MSR1: variants seen among roughly 807,000 people sequenced by gnomAD.
The protein encoded by MSR1 is macrophage scavenger receptor 1, also known as macrophage scavenger receptor types I and II.
Under a neutral mutation model 47.2 loss-of-function variants are expected in MSR1, and 53 were observed. The observed-to-expected ratio is 1.12, with a 90% CI of 0.90 to 1.41. The LOEUF (loss-of-function observed/expected upper bound fraction) is 1.41, where lower values mean the gene tolerates loss of function less well. Ranked by LOEUF, MSR1 falls within the 40% of genes most tolerant of loss-of-function variation. MSR1 has a pLI of 0.00. For missense variants in MSR1, 786 were observed against 546.9 expected, an observed-to-expected ratio of 1.44 and a Z score of -4.36; for synonymous variants, 239 against 185.6, an observed-to-expected ratio of 1.29 and a Z score of -2.34.
intron 8 of MSR1, among the ~76,000 whole-genome samples, chr8:16,123,901 G>T (rs1033863660): frequency 1.3e-5 from 2 of 152,030 alleles, no homozygotes; most frequent in Non-Finnish European, 1.5e-5. Context: ...GCTTCTTTCT[G>T]TAGGTTGCTT....
At position 16,168,457 on chromosome 8, in the gene MSR1, C is replaced by A; in HGVS notation, c.630+1G>T. 1 of 1,614,020 alleles carries A rather than the reference C, an allele frequency of 6.2e-7. No individual in the cohort carries two copies. Among genetic ancestry groups the A allele is most frequent in the South Asian group, 1.1e-5 (1 of 91,050 alleles). ...TGACCTTGCAGTCCACAAACTCTTACCTCTTGTTGTTTGAAGGTATTCTCT... is the reference window on the plus strand; with the variant it reads ...TGACCTTGCAGTCCACAAACTCTTAACTCTTGTTGTTTGAAGGTATTCTCT... On this transcript the variant is annotated splice_donor_variant, in intron 4 of 9. Coordinates refer to ENST00000262101, the MANE Select transcript of MSR1 (RefSeq NM_138715.3). LOFTEE classifies it high-confidence loss of function.
At chr8:16,131,423 C>T (rs912194125) in intron 8 of MSR1, among the ~76,000 whole-genome samples, 1 of 119,460 alleles carries the variant, frequency 8.4e-6, no homozygotes, top group African/African-American at 3.4e-5. Flanking sequence ...TTCTATGTAT[C>T]TGTTTACTCT....
intron 7 of MSR1, among the ~76,000 whole-genome samples, chr8:16,143,931 C>T (rs183659980): frequency 6.6e-6 from 1 of 152,180 alleles, no homozygotes; most frequent in African/African-American, 2.4e-5. Context: ...CTGGGTCTTA[C>T]TCACACCCCC....
rs1184353869 is a variant in MSR1, at chr8:16,183,314, T to A, written c.-4-5322A>T. ...GAAAAAAGCTGAAGACTTTTGAATC[T>A]GATAAACATCTTTACACTCTGAACT... On this transcript the variant is annotated intron_variant, in intron 1 of 9. Transcript: ENST00000262101. Among the ~76,000 whole-genome samples, 3 of 151,974 alleles carry A rather than the reference T, an allele frequency of 2.0e-5. No homozygotes were observed. The East Asian group carries it at 5.8e-4, about 29-fold the overall frequency.
chr8:16,128,537 C>T (rs1800181048), intron 8 of MSR1, among the ~76,000 whole-genome samples: 1 of 152,054 alleles, frequency 6.6e-6, no homozygotes, highest in South Asian at 2.1e-4. Context: ...ATGTCAAGAA[C>T]TCTGAGGAAA....
rs551363788 is a variant in MSR1 at position 16,150,195 on chromosome 8, C to T, written c.979+36G>A. On this transcript the variant is annotated intron_variant, in intron 7 of 9. Coordinates refer to ENST00000262101, the MANE Select transcript of MSR1 (RefSeq NM_138715.3). ...ATAAAATTATCTGGTGTTTCTTCTACATATTCTATAAAGAAAATACACATT... is the reference window on the plus strand; with the variant it reads ...ATAAAATTATCTGGTGTTTCTTCTATATATTCTATAAAGAAAATACACATT... 515 of 801,280 alleles carry T rather than the reference C, an allele frequency of 6.4e-4. 1 individual carries two copies. The Middle Eastern group carries it at 0.015, about 23-fold the overall frequency. 49.6% of individuals were successfully genotyped at this position (801,280 alleles called of 1,614,324 possible).
At chr8:16,142,831 T>C (rs554278665) in intron 8 of MSR1, among the ~76,000 whole-genome samples, 1 of 152,180 alleles carries the variant, frequency 6.6e-6, no homozygotes, top group East Asian at 1.9e-4. Context: ...CTACTGGGAA[T>C]ACAGAGGGAG....
At chr8:16,147,191 TCA>T (rs1246260718) in intron 7 of MSR1, among the ~76,000 whole-genome samples, 1 of 152,132 alleles carries the variant, frequency 6.6e-6, no homozygotes, top group Admixed American at 6.6e-5. Context: ...AGTAAATATA[TCA>T]GGTCTTATAA....
In MSR1 at chr8:16,115,907, G is replaced by C. The variant is rs1799867767; in HGVS notation, c.1222+4511C>G. Among the ~76,000 whole-genome samples the C allele has an allele frequency of 1.3e-5, 2 of 152,164 alleles. 1 individual carries two copies. Among genetic ancestry groups the C allele is most frequent in the South Asian group, 4.1e-4 (2 of 4,826 alleles). On this transcript the variant is annotated intron_variant, in intron 9 of 9. Transcript: ENST00000262101. ...GCAGGCTAAGGTGGGAGGATCGCTT[G>C]AGAGCAGGAGTTTGAGGCTGCATTA...
intron 6 of MSR1, among the ~76,000 whole-genome samples, chr8:16,151,892 C>G (rs1264783635): frequency 1.3e-5 from 2 of 152,140 alleles, no homozygotes; most frequent in African/African-American, 2.4e-5. Context: ...TTGCCACTTA[C>G]CAGTTGCTGA....
intron 8 of MSR1, chr8:16,120,994 CTT>C (rs1179433792): frequency 2.9e-5 from 9 of 310,034 alleles, no homozygotes; most frequent in Admixed American, 2.0e-4. Flanking sequence ...AACATACAAA[CTT>C]ATCAACATAC....
At chr8:16,167,576 C>T (rs544822705) in intron 4 of MSR1, among the ~76,000 whole-genome samples, 1 of 152,018 alleles carries the variant, frequency 6.6e-6, no homozygotes, top group Non-Finnish European at 1.5e-5. Context: ...CAAACAAAAA[C>T]ATTCCATGGT....
intron 6 of MSR1, among the ~76,000 whole-genome samples, chr8:16,150,880 ACACACATG>A (rs1800838981): frequency 6.6e-6 from 1 of 151,598 alleles, no homozygotes; most frequent in East Asian, 1.9e-4. Flanking sequence ...ACACACACAC[ACACACATG>A]CGATACACAG....
intron 8 of MSR1, among the ~76,000 whole-genome samples, chr8:16,131,362 T>C (rs1286845813): frequency 6.6e-6 from 1 of 151,944 alleles, no homozygotes; most frequent in Non-Finnish European, 1.5e-5. Context: ...TCCTTACAGA[T>C]TCTGGATATT....
intron 6 of MSR1, among the ~76,000 whole-genome samples, chr8:16,152,874 A>G (rs1313672442): frequency 6.6e-6 from 1 of 152,050 alleles, no homozygotes; most frequent in Non-Finnish European, 1.5e-5. Flanking sequence ...GGTATTGTAG[A>G]ACACCAGGCC....
chr8:16,135,532 G>A (rs1005022018), intron 8 of MSR1, among the ~76,000 whole-genome samples: 2 of 152,106 alleles, frequency 1.3e-5, no homozygotes, highest in Non-Finnish European at 2.9e-5. Context: ...TGATGGAGAT[G>A]GACAGAAAGA....
At position 16,130,668 on chromosome 8, in the gene MSR1, G is replaced by T. The variant is rs187183058; in HGVS notation, c.1034-10062C>A. ...CCTCAAGTAGACCCCACTGTCTGTTGTTCCCTTCTTTGTGTCCGTATCTAC... is the reference window on the plus strand; with the variant it reads ...CCTCAAGTAGACCCCACTGTCTGTTTTTCCCTTCTTTGTGTCCGTATCTAC... On this transcript the variant is annotated intron_variant, in intron 8 of 9. Transcript: ENST00000262101. Among the ~76,000 whole-genome samples, 5 of 151,968 alleles carry T rather than the reference G, an allele frequency of 3.3e-5. No homozygotes were observed. In the East Asian group the frequency reaches 9.8e-4, roughly 30 times the overall value.
chr8:16,190,733 G>T (rs6980791), intron 1 of MSR1, among the ~76,000 whole-genome samples: 22,634 of 142,744 alleles, frequency 0.16, 3,033 homozygotes, highest in African/African-American at 0.36. Flanking sequence ...CTTTCTTTTT[G>T]TTTTTGAGAT....
At chr8:16,116,602 A>C (rs998130849) in intron 9 of MSR1, among the ~76,000 whole-genome samples, 3 of 150,912 alleles carry the variant, frequency 2.0e-5, no homozygotes, top group Non-Finnish European at 4.5e-5. Context: ...TTTAAAAAAA[A>C]CCATTTTCTT....
Sources: allele counts gnomAD v4.1 joint callset (sites outside exome capture counted in the v4.1 genomes callset), GRCh38; gene constraint gnomAD v4.1.1; transcripts MANE v1.5; gene names NCBI Gene and HGNC (gene_info 2026-07-23, HGNC 2026-07-21).